KCNH5: variants seen among roughly 807,000 people sequenced by gnomAD.
KCNH5 encodes the protein potassium voltage-gated channel subfamily H member 5.
KCNH5 carries 46 observed loss-of-function variants against 96.1 expected under a neutral mutation model. The observed-to-expected ratio is 0.48, with a 90% CI of 0.38 to 0.61. KCNH5 has a LOEUF of 0.61. KCNH5 is among the 20% of genes least tolerant of loss of function. KCNH5 has a pLI of 0.00. For missense variants in KCNH5, 907 were observed against 1,225.8 expected (o/e 0.74, Z 3.88); for synonymous variants, 439 against 449.8 (o/e 0.98, Z 0.30).
At chr14:62,968,003 C>T (rs1202282190) in intron 6 of KCNH5, among the ~76,000 whole-genome samples, 1 of 152,180 alleles carries the variant, frequency 6.6e-6, no homozygotes, top group South Asian at 2.1e-4. Context: ...CCTTTCCTCT[C>T]AAAGCTAATT....
In KCNH5 at chr14:62,709,879, T is replaced by C. The variant is rs542793773; in HGVS notation, c.2020-1424A>G. 3.3e-5 allele frequency among the ~76,000 whole-genome samples: 5 copies of C among 152,312 alleles called. No homozygotes were observed. The East Asian group carries it at 9.6e-4, about 29-fold the overall frequency. ...AAAATCAAAAAAGAGTTATATTAGA[T>C]AAGGCACTTTCAGAATCAGACAATT... On this transcript the variant is annotated intron_variant, in intron 10 of 10. Coordinates refer to ENST00000322893, the MANE Select transcript of KCNH5 (RefSeq NM_139318.5).
intron 1 of KCNH5, among the ~76,000 whole-genome samples, chr14:63,032,304 G>A (rs887298405): frequency 6.6e-6 from 1 of 152,004 alleles, no homozygotes; most frequent in Admixed American, 6.6e-5. Context: ...ACGAAGTGCA[G>A]GCAAGACTAC....
chr14:62,760,687 A>G (rs2139955257), intron 10 of KCNH5, among the ~76,000 whole-genome samples: 1 of 152,338 alleles, frequency 6.6e-6, no homozygotes, highest in African/African-American at 2.4e-5. Context: ...TTTTTCCAAG[A>G]GAAATTACTA....
chr14:62,921,127 A>G (rs1039503732), intron 7 of KCNH5, among the ~76,000 whole-genome samples: 5 of 152,060 alleles, frequency 3.3e-5, no homozygotes, highest in Non-Finnish European at 5.9e-5. Flanking sequence ...AACGTGTTTC[A>G]TCACAGACTG....
chr14:62,972,486 A>G (rs907871037), intron 6 of KCNH5, among the ~76,000 whole-genome samples: 1 of 152,256 alleles, frequency 6.6e-6, no homozygotes, highest in African/African-American at 2.4e-5. Flanking sequence ...CATATGATTC[A>G]GCAATCATGT....
intron 6 of KCNH5, among the ~76,000 whole-genome samples, chr14:62,966,599 T>C (rs1305904796): frequency 6.6e-6 from 1 of 152,256 alleles, no homozygotes; most frequent in Non-Finnish European, 1.5e-5. Flanking sequence ...ACTATTGTTC[T>C]GTCTCCCTTA....
At chr14:63,003,269 A>G (rs1279902944) in intron 3 of KCNH5, among the ~76,000 whole-genome samples, 5 of 150,436 alleles carry the variant, frequency 3.3e-5, no homozygotes, top group Non-Finnish European at 2.9e-5. Context: ...TCTGCCAAGT[A>G]TGTGGTGATA....
rs3080873 is a variant in KCNH5, at chr14:62,936,674, CAAAAA to C, written c.1369+13454_1369+13458del. ...TTGGTGATAGAGCGAGACCCTGCCT[CAAAAA>C]AAAAAAAAAAAAAAAAGGCCAGGCA... On this transcript the variant is annotated intron_variant, in intron 7 of 10. Transcript: ENST00000322893. 3.4e-3 allele frequency among the ~76,000 whole-genome samples: 404 copies of C among 119,730 alleles called. 14 individuals are homozygous for C. In the South Asian group the frequency reaches 0.066, roughly 20 times the overall value. The allele number at this position is 119,730 out of a possible 152,430, so 78.5% of individuals were successfully genotyped here. A position where few individuals can be genotyped will look rare whatever the true frequency, so the allele number is the denominator to read the frequency against.
At chr14:63,030,846 A>G (rs570548430) in intron 1 of KCNH5, among the ~76,000 whole-genome samples, 2 of 152,276 alleles carry the variant, frequency 1.3e-5, no homozygotes, top group South Asian at 4.1e-4. Context: ...AGGTGAATGT[A>G]AAAATACAGA....
chr14:62,839,555 G>T (rs1168942198), intron 8 of KCNH5, among the ~76,000 whole-genome samples: 1 of 148,884 alleles, frequency 6.7e-6, no homozygotes, highest in Non-Finnish European at 1.5e-5. Flanking sequence ...AATATGTGAT[G>T]ATTAGTTCAA....
chr14:62,772,326 ATAACT>A (rs1489647660), intron 10 of KCNH5, among the ~76,000 whole-genome samples: 3 of 152,152 alleles, frequency 2.0e-5, no homozygotes, highest in African/African-American at 4.8e-5. Context: ...CTTTTTAAAA[ATAACT>A]TAAGATACAA....
chr14:62,952,573 T>C (rs1890027455), intron 6 of KCNH5, among the ~76,000 whole-genome samples: 1 of 152,214 alleles, frequency 6.6e-6, no homozygotes, highest in South Asian at 2.1e-4. Flanking sequence ...ATAGATAATA[T>C]TTTCTGGTTA....
intron 1 of KCNH5, among the ~76,000 whole-genome samples, chr14:63,032,159 G>A (rs1256664410): frequency 4.0e-5 from 6 of 151,124 alleles, no homozygotes; most frequent in Admixed American, 1.3e-4. Context: ...AGGACGGCAT[G>A]TGAAGAAAGT....
At chr14:63,039,944 C>A (rs571887678) in intron 1 of KCNH5, among the ~76,000 whole-genome samples, 1 of 152,148 alleles carries the variant, frequency 6.6e-6, no homozygotes, top group African/African-American at 2.4e-5. Flanking sequence ...ATATTAACTA[C>A]TTGGTTCACC....
intron 9 of KCNH5, among the ~76,000 whole-genome samples, chr14:62,781,516 C>G (rs571252970): frequency 6.0e-4 from 92 of 152,266 alleles, no homozygotes; most frequent in African/African-American, 2.1e-3. Flanking sequence ...TCTGCAGTCT[C>G]GACCGTAAGA....
intron 10 of KCNH5, among the ~76,000 whole-genome samples, chr14:62,764,190 C>A (rs1885812527): frequency 6.6e-6 from 1 of 152,168 alleles, no homozygotes; most frequent in Non-Finnish European, 1.5e-5. Flanking sequence ...ATCAAGCCTT[C>A]ATTCCTGGGA....
At chr14:62,764,210 G>A (rs1387651022) in intron 10 of KCNH5, among the ~76,000 whole-genome samples, 1 of 152,122 alleles carries the variant, frequency 6.6e-6, no homozygotes, top group Non-Finnish European at 1.5e-5. Context: ...ATGCAAGACT[G>A]GTTAAACACA....
chr14:63,016,345 TCAAA>T (rs1891326390), intron 2 of KCNH5, among the ~76,000 whole-genome samples: 1 of 152,090 alleles, frequency 6.6e-6, no homozygotes. Flanking sequence ...TGTACATGAG[TCAAA>T]CAATGTACCA....
chr14:62,968,248 T>C, intron 6 of KCNH5, among the ~76,000 whole-genome samples: 1 of 152,248 alleles, frequency 6.6e-6, no homozygotes, highest in East Asian at 1.9e-4. Context: ...CCAAATTTTT[T>C]CCCTATCTCT....
Sources: allele counts gnomAD v4.1 joint callset (sites outside exome capture counted in the v4.1 genomes callset), GRCh38; gene constraint gnomAD v4.1.1; transcripts MANE v1.5; gene names NCBI Gene and HGNC (gene_info 2026-07-23, HGNC 2026-07-21).